DCDC1: variants seen among roughly 807,000 people sequenced by gnomAD.
DCDC1 encodes doublecortin domain-containing protein 1.
DCDC1 carries 200 observed loss-of-function variants against 178.3 expected under a neutral mutation model. The observed-to-expected ratio is 1.12, with a 90% CI of 1.00 to 1.26. DCDC1 has a LOEUF of 1.26. Among genes scored for constraint, DCDC1 ranks in the 50% most tolerant of loss-of-function variants. The pLI is 0.00. For synonymous variants in DCDC1, 690 were observed against 604.8 expected (o/e 1.14, Z -2.07); for missense variants, 1,983 against 1,749.2 (o/e 1.13, Z -2.38).
chr11:31,279,898 TA>T (rs1454061990), intron 7 of DCDC1, among the ~76,000 whole-genome samples: 1 of 151,990 alleles, frequency 6.6e-6, no homozygotes, highest in African/African-American at 2.4e-5. Flanking sequence ...ATTAAAATAA[TA>T]ATAATAATAA....
intron 7 of DCDC1, among the ~76,000 whole-genome samples, chr11:31,286,341 G>A (rs1946833274): frequency 6.6e-6 from 1 of 151,910 alleles, no homozygotes; most frequent in Non-Finnish European, 1.5e-5. Context: ...AAAGTATTCT[G>A]TTCTCTTTGA....
At chr11:31,357,823 G>A (rs949971604) in intron 1 of DCDC1, among the ~76,000 whole-genome samples, 6 of 151,606 alleles carry the variant, frequency 4.0e-5, no homozygotes, top group African/African-American at 1.5e-4. Flanking sequence ...AATCATGAGT[G>A]AACTCCCATT....
intron 20 of DCDC1, among the ~76,000 whole-genome samples, chr11:31,048,441 G>A (rs1955005767): frequency 6.6e-6 from 1 of 152,168 alleles, no homozygotes; most frequent in Non-Finnish European, 1.5e-5. Flanking sequence ...CTGAATATTG[G>A]CACATTGCTC....
At chr11:31,325,533 T>C (rs960888211) in intron 3 of DCDC1, among the ~76,000 whole-genome samples, 1 of 152,092 alleles carries the variant, frequency 6.6e-6, no homozygotes, top group Non-Finnish European at 1.5e-5. Flanking sequence ...AGGTTTTCAC[T>C]GTGTTATAAG....
At chr11:31,344,090 C>T (rs1950690431) in intron 1 of DCDC1, among the ~76,000 whole-genome samples, 1 of 152,026 alleles carries the variant, frequency 6.6e-6, no homozygotes, top group Admixed American at 6.6e-5. Context: ...TATTCACAGG[C>T]TAAGTAGAAT....
intron 9 of DCDC1, among the ~76,000 whole-genome samples, chr11:31,181,745 T>G (rs1286792062): frequency 6.6e-6 from 1 of 151,802 alleles, no homozygotes; most frequent in African/African-American, 2.4e-5. Flanking sequence ...GGTAGATAAA[T>G]CCACAAAGAT....
chr11:31,105,356 T>C (rs2135758021), intron 13 of DCDC1, among the ~76,000 whole-genome samples: 2 of 152,100 alleles, frequency 1.3e-5, no homozygotes, highest in East Asian at 3.9e-4. Flanking sequence ...CAAAAACAAA[T>C]GTTTAATATT....
At chr11:31,022,686 T>G (rs1405069758) in intron 20 of DCDC1, among the ~76,000 whole-genome samples, 10 of 146,680 alleles carry the variant, frequency 6.8e-5, no homozygotes, top group East Asian at 4.0e-4. Flanking sequence ...TGTGTGTGTG[T>G]GGTATGTGTT....
At chr11:31,249,523 A>C (rs1258990438) in intron 8 of DCDC1, among the ~76,000 whole-genome samples, 1 of 152,160 alleles carries the variant, frequency 6.6e-6, no homozygotes, top group Non-Finnish European at 1.5e-5. Context: ...AAGTCACTAG[A>C]AGACCCTGAG....
chr11:30,936,351 G>C (rs1225345515), intron 21 of DCDC1, among the ~76,000 whole-genome samples: 1 of 152,146 alleles, frequency 6.6e-6, no homozygotes, highest in African/African-American at 2.4e-5. Context: ...TTGGTTCAAA[G>C]CATTTTAGTT....
chr11:31,009,704 T>C (rs979972509), intron 20 of DCDC1, among the ~76,000 whole-genome samples: 2 of 152,134 alleles, frequency 1.3e-5, no homozygotes, highest in African/African-American at 4.8e-5. Flanking sequence ...CCTCAACCAA[T>C]TGAATGACAT....
chr11:30,904,752 C>T, intron 31 of DCDC1: 1 of 604,334 alleles, frequency 1.7e-6, no homozygotes, highest in South Asian at 2.2e-5. Context: ...AAACTGAATT[C>T]TGGTTTCTAG....
intron 38 of DCDC1, among the ~76,000 whole-genome samples, chr11:30,868,473 A>G (rs1036495877): frequency 2.7e-5 from 4 of 149,868 alleles, no homozygotes; most frequent in Non-Finnish European, 5.9e-5. Context: ...CTGGTCTTGA[A>G]CTCCTGACCT....
At chr11:30,928,978 T>G (rs1946761765) in intron 22 of DCDC1, among the ~76,000 whole-genome samples, 1 of 152,042 alleles carries the variant, frequency 6.6e-6, no homozygotes, top group Non-Finnish European at 1.5e-5. Context: ...ATGCTTAATT[T>G]GAATATACAT....
At chr11:30,902,571 G>T (rs1413717291) in intron 32 of DCDC1, among the ~76,000 whole-genome samples, 1 of 152,018 alleles carries the variant, frequency 6.6e-6, no homozygotes, top group Non-Finnish European at 1.5e-5. Context: ...TTTACAAATA[G>T]TAAAATATGT....
At position 31,290,765 on chromosome 11, in the gene DCDC1, A is replaced by C. The variant is rs1260380969; in HGVS notation, c.842T>G (p.Val281Gly). 3 of 1,613,520 alleles carry C rather than the reference A, an allele frequency of 1.9e-6. No homozygotes were observed. The highest frequency in any genetic ancestry group is 2.5e-6 in the Non-Finnish European group (3 of 1,179,588). ...AAGTTTCTTCATTCTAATAGAAAGA[A>C]CAGGCTTGGTTTTCCGTCTTTTGAT... Reference protein sequence around the residue: ...TDIKRRKTKPVLSIRMKKLTE... With the variant: ...TDIKRRKTKPGLSIRMKKLTE... The change falls in exon 7 of 39, where the codon GTT becomes GGT. Residue 281 changes from valine to glycine, a missense_variant. Val to Gly is a moderately radical substitution (Grantham distance 109, BLOSUM62 -3). Transcript: ENST00000684477.
intron 36 of DCDC1, among the ~76,000 whole-genome samples, chr11:30,881,702 T>C (rs570172262): frequency 6.6e-6 from 1 of 152,300 alleles, no homozygotes; most frequent in East Asian, 1.9e-4. Flanking sequence ...CTGGCCTCTT[T>C]GTTACTTCAG....
chr11:31,221,191 A>C (rs558483031), intron 9 of DCDC1, among the ~76,000 whole-genome samples: 1 of 152,268 alleles, frequency 6.6e-6, no homozygotes, highest in South Asian at 2.1e-4. Context: ...TCTACCATCA[A>C]TTCTAAAGTC....
intron 20 of DCDC1, among the ~76,000 whole-genome samples, chr11:31,026,131 T>C (rs148315554): frequency 6.6e-6 from 1 of 151,978 alleles, no homozygotes; most frequent in Non-Finnish European, 1.5e-5. Context: ...GGAATTTGTA[T>C]CTGTATTTAT....
Sources: gnomAD v4.1 joint callset for allele counts (sites outside exome capture counted in the v4.1 genomes callset) on GRCh38, gnomAD v4.1.1 for gene constraint, MANE v1.5 for transcripts, NCBI Gene and HGNC (gene_info 2026-07-23, HGNC 2026-07-21) for gene names.